The following METTL22 variants were observed in gnomAD, a reference collection of about 807,000 sequenced individuals.
The protein encoded by METTL22 is methyltransferase 22, Kin17 lysine.
In METTL22, 51 loss-of-function variants were observed where a neutral mutation model predicts 48.4. The ratio of observed to expected loss-of-function variants is 1.05; its 90% CI spans 0.84 to 1.33. The LOEUF is 1.33. METTL22 is among the 40% of genes most tolerant of loss of function. The pLI, the probability that METTL22 is intolerant of heterozygous loss-of-function variation, is 0.00. For missense variants in METTL22, 678 were observed against 526.9 expected, an observed-to-expected ratio of 1.29 and a Z score of -2.81; for synonymous variants, 255 against 214.1, an observed-to-expected ratio of 1.19 and a Z score of -1.67.
At chr16:8,654,041 G>A (rs1459927770), downstream of METTL22, among the ~76,000 whole-genome samples, 9 of 152,258 alleles carry the variant, frequency 5.9e-5, no homozygotes, top group East Asian at 1.5e-3. Flanking sequence ...GAAAAAACAG[G>A]CTCAAGCAAA....
At chr16:8,624,975 A>G (rs2055994868) in intron 1 of METTL22, among the ~76,000 whole-genome samples, 1 of 152,212 alleles carries the variant, frequency 6.6e-6, no homozygotes. Flanking sequence ...GTAAAGGGCC[A>G]TAACAACTAA....
rs2056665696 is a variant in METTL22, at chr16:8,642,809, G to T, written c.1010+244G>T. 8.8e-6 allele frequency: 5 copies of T among 567,324 alleles called. 1 individual carries two copies. In the South Asian group the frequency reaches 1.0e-4, roughly 12 times the overall value. 35.1% of individuals were successfully genotyped at this position (567,324 alleles called of 1,614,324 possible). ...AAGAGAGGAAGGCTGGGAAGCATCA[G>T]GGGCCTTGGCCAGGGCACGGCTAGT... On this transcript the variant is annotated intron_variant, in intron 9 of 10. Transcript: ENST00000381920.
rs997713313 is a variant in METTL22, at chr16:8,638,604, C to G, written c.701-487C>G. 3.3e-5 allele frequency among the ~76,000 whole-genome samples: 5 copies of G among 152,226 alleles called. No individual in the cohort carries two copies. The East Asian group carries it at 9.7e-4, about 30-fold the overall frequency. On this transcript the variant is annotated intron_variant, in intron 5 of 10. Coordinates refer to ENST00000381920, the MANE Select transcript of METTL22 (RefSeq NM_024109.4). ...TGACGAATCATAAGAAAAAATCCTT[C>G]TGACCGGAAAACTGGTCCAGTCAGT...
rs1197602609 is a variant in METTL22 at position 8,648,860 on chromosome 16, G to A, written c.*2717G>A. The A allele has an allele frequency of 2.0e-5, 3 of 152,228 alleles. No individual in the cohort carries two copies. The highest frequency in any genetic ancestry group is 7.2e-5 in the African/African-American group (3 of 41,456). The allele number at this position is 152,228 out of a possible 1,614,324, so 9.4% of individuals were successfully genotyped here. A position where few individuals can be genotyped will look rare whatever the true frequency, so the allele number is the denominator to read the frequency against. On this transcript the variant is annotated 3_prime_UTR_variant, in exon 11 of 11. Coordinates refer to ENST00000381920, the MANE Select transcript of METTL22 (RefSeq NM_024109.4). ...TCTGCATCTCAACGAGACCCTGGGT[G>A]ATTTGTGTGCACAGTAGTTTGAGAA...
At chr16:8,643,740 A>G (rs934102076) in intron 9 of METTL22, among the ~76,000 whole-genome samples, 12 of 152,206 alleles carry the variant, frequency 7.9e-5, no homozygotes, top group African/African-American at 2.4e-4. Context: ...CAGCCTCCCA[A>G]GTAGCTGGGA....
At chr16:8,666,361 T>G in the METTL22 span, among the ~76,000 whole-genome samples, 11 of 152,210 alleles carry the variant, frequency 7.2e-5, no homozygotes, top group Non-Finnish European at 1.0e-4. Flanking sequence ...CACACCTTAT[T>G]ATCGACCCAC....
At position 8,644,641 on chromosome 16, in the gene METTL22, C is replaced by T. The variant is rs1486827707; in HGVS notation, c.1095C>T (p.Leu365=). ...CCTGCCTGCACGCGCTGGAGCAGCT[C>T]GCAGATGGCAAGCTGCGCTTCGTGG... is the stretch of plus-strand genomic sequence containing the variant. ...FRSCLHALEQ[L]ADGKLRFVVE... The change falls in exon 10 of 11, where the codon CTC becomes CTT. Residue 365 remains leucine, a synonymous_variant. Transcript: ENST00000381920. The T allele has an allele frequency of 1.3e-5, 21 of 1,607,508 alleles. No individual in the cohort carries two copies. The highest frequency in any genetic ancestry group is 1.8e-5 in the Non-Finnish European group (21 of 1,177,128).
rs766221213 is a variant in METTL22 at position 8,644,654 on chromosome 16, C to T, written c.1108C>T (p.Leu370=). The T allele has an allele frequency of 4.3e-5, 69 of 1,606,914 alleles. No homozygotes were observed. The highest frequency in any genetic ancestry group is 5.6e-5 in the Non-Finnish European group (66 of 1,176,998). ...HALEQLADGK[L]RFVVEPVEAS... ...GCTGGAGCAGCTCGCAGATGGCAAG[C>T]TGCGCTTCGTGGTGGAGCCCGTGGA... The change falls in exon 10 of 11, where the codon CTG becomes TTG. Residue 370 remains leucine, a synonymous_variant. Transcript: ENST00000381920.
intron 3 of METTL22, among the ~76,000 whole-genome samples, chr16:8,631,074 T>C (rs1052014925): frequency 6.6e-6 from 1 of 152,148 alleles, no homozygotes; most frequent in African/African-American, 2.4e-5. Flanking sequence ...ACATGCCCAG[T>C]GAGCGCCAGG....
the METTL22 span, among the ~76,000 whole-genome samples, chr16:8,666,595 G>A: frequency 3.9e-5 from 6 of 152,174 alleles, no homozygotes; most frequent in Non-Finnish European, 5.9e-5. Context: ...CTGAGATGCA[G>A]ACATTATGAT....
At position 8,625,514 on chromosome 16, in the gene METTL22, C is replaced by T. The variant is rs1041353501; in HGVS notation, c.-152C>T. ...TTTCCAGCTGGATTCTCTTCCCTGG[C>T]CAAGTCTCTGAGATCTTCTCCCAGG... On this transcript the variant is annotated 5_prime_UTR_variant, in exon 2 of 11. Transcript: ENST00000381920. 3.7e-6 allele frequency: 2 copies of T among 547,684 alleles called. No homozygotes were observed. Among genetic ancestry groups the T allele is most frequent in the African/African-American group, 1.9e-5 (1 of 52,382 alleles). The allele number at this position is 547,684 out of a possible 1,614,324, so 33.9% of individuals were successfully genotyped here. A position where few individuals can be genotyped will look rare whatever the true frequency, so the allele number is the denominator to read the frequency against.
At chr16:8,655,963 C>T in the METTL22 span, among the ~76,000 whole-genome samples, 1 of 152,238 alleles carries the variant, frequency 6.6e-6, no homozygotes, top group East Asian at 1.9e-4. Context: ...CTTGAAGACT[C>T]ACCACCATGC....
chr16:8,646,334 G>A lies in METTL22; in HGVS notation c.*191G>A. ...CCAGTTGTAGCCAGAGAAGGTTGTT[G>A]CTGTGGGCTGGAGGTCACTTTAGTT... On this transcript the variant is annotated 3_prime_UTR_variant, in exon 11 of 11. Coordinates refer to ENST00000381920, the MANE Select transcript of METTL22 (RefSeq NM_024109.4). The A allele has an allele frequency of 1.3e-6, 1 of 772,122 alleles. No homozygotes were observed. The highest frequency in any genetic ancestry group is 2.2e-6 in the Non-Finnish European group (1 of 448,574). 47.8% of individuals were successfully genotyped at this position (772,122 alleles called of 1,614,324 possible).
At chr16:8,632,723 C>A (rs567144588) in intron 3 of METTL22, among the ~76,000 whole-genome samples, 2 of 152,310 alleles carry the variant, frequency 1.3e-5, no homozygotes, top group Non-Finnish European at 1.5e-5. Flanking sequence ...GAGGCTACTT[C>A]TGCATTTTGC....
chr16:8,644,936 T>A (rs1239805360), intron 10 of METTL22: 10 of 479,208 alleles, frequency 2.1e-5, no homozygotes, highest in Non-Finnish European at 3.2e-5. Flanking sequence ...GAGACGGGCC[T>A]ACAGGCGAAC....
In METTL22 at chr16:8,625,614, C is replaced by G. The variant is rs200519027; in HGVS notation, c.-52C>G. 1.9e-6 allele frequency: 3 copies of G among 1,603,856 alleles called. No individual in the cohort carries two copies. The East Asian group carries it at 6.7e-5, about 36-fold the overall frequency. On this transcript the variant is annotated 5_prime_UTR_variant, in exon 2 of 11. Transcript: ENST00000381920. ...TCTGGGACCTGCCATGCTGAGGACCCATTCTCACCTCTGAGGGACTCCTGT... is the reference window on the plus strand; with the variant it reads ...TCTGGGACCTGCCATGCTGAGGACCGATTCTCACCTCTGAGGGACTCCTGT...
intron 1 of METTL22, among the ~76,000 whole-genome samples, chr16:8,624,716 T>A (rs568189747): frequency 4.0e-5 from 6 of 151,630 alleles, no homozygotes; most frequent in East Asian, 1.9e-4. Flanking sequence ...AAAAAAAAAA[T>A]TTAATGCCAA....
At chr16:8,664,518 A>G in the METTL22 span, among the ~76,000 whole-genome samples, 51,623 of 151,782 alleles carry the variant, frequency 0.34, 9,698 homozygotes, top group Non-Finnish European at 0.43. Flanking sequence ...CAGTGATGCT[A>G]TCACGGCTCA....
intron 5 of METTL22, among the ~76,000 whole-genome samples, chr16:8,638,670 G>C (rs1462296564): frequency 6.6e-6 from 1 of 152,166 alleles, no homozygotes; most frequent in East Asian, 1.9e-4. Context: ...TTTGGAGTTA[G>C]AAAAACCTGG....
Sources: gnomAD v4.1 joint callset for allele counts (sites outside exome capture counted in the v4.1 genomes callset) on GRCh38, gnomAD v4.1.1 for gene constraint, MANE v1.5 for transcripts, NCBI Gene and HGNC (gene_info 2026-07-23, HGNC 2026-07-21) for gene names.